The following PEAK1 variants were observed in gnomAD, a reference collection of about 807,000 sequenced individuals.
The protein encoded by PEAK1 is inactive tyrosine-protein kinase PEAK1.
A neutral mutation model predicts 124.7 loss-of-function variants in PEAK1; 54 were observed. That is an observed-to-expected ratio of 0.43 (90% CI 0.35 to 0.54). The LOEUF is 0.54. PEAK1 is among the 20% of genes least tolerant of loss of function. The pLI is 0.01. For synonymous variants in PEAK1, 719 were observed against 760.0 expected, an observed-to-expected ratio of 0.95 and a Z score of 0.89; for missense variants, 2,046 against 2,134.5, an observed-to-expected ratio of 0.96 and a Z score of 0.82.
intron 6 of PEAK1, among the ~76,000 whole-genome samples, chr15:77,203,484 A>G (rs2058471689): frequency 6.6e-6 from 1 of 152,198 alleles, no homozygotes; most frequent in Non-Finnish European, 1.5e-5. Flanking sequence ...AATTTTGATG[A>G]AGAGCAAAAT....
chr15:77,322,232 A>T (rs1430481822), intron 2 of PEAK1, among the ~76,000 whole-genome samples: 1 of 152,240 alleles, frequency 6.6e-6, no homozygotes, highest in Non-Finnish European at 1.5e-5. Flanking sequence ...GAGAAGCAAG[A>T]GCAAACACAT....
At chr15:77,204,976 GA>G in intron 6 of PEAK1, 2 of 193,056 alleles carry the variant, frequency 1.0e-5, no homozygotes. Flanking sequence ...GGAACAAAGG[GA>G]AAACAGGCCA....
chr15:77,336,236 C>T (rs2066190202), intron 2 of PEAK1: 2 of 985,240 alleles, frequency 2.0e-6, no homozygotes, highest in Non-Finnish European at 2.4e-6. Context: ...ATTCCAAGAA[C>T]CACAATGGGC....
chr15:77,195,797 G>A (rs1462709471), intron 6 of PEAK1, among the ~76,000 whole-genome samples: 1 of 152,166 alleles, frequency 6.6e-6, no homozygotes, highest in Non-Finnish European at 1.5e-5. Flanking sequence ...TTCAATGAAT[G>A]AGCATATTAA....
intron 9 of PEAK1, among the ~76,000 whole-genome samples, chr15:77,130,510 T>C (rs2052765557): frequency 6.6e-6 from 1 of 152,048 alleles, no homozygotes; most frequent in Non-Finnish European, 1.5e-5. Context: ...AGAGGGTAGC[T>C]AGCTGAAGGT....
chr15:77,189,469 A>G (rs2152831514), intron 6 of PEAK1, among the ~76,000 whole-genome samples: 1 of 152,120 alleles, frequency 6.6e-6, no homozygotes, highest in East Asian at 1.9e-4. Flanking sequence ...AGCACTGTCC[A>G]CCATAGTGGA....
Position 77,181,932 on chromosome 15 carries a change from A to G in PEAK1, c.-6T>C. The G allele has an allele frequency of 6.5e-7, 1 of 1,538,758 alleles. No homozygotes were observed. The highest frequency in any genetic ancestry group is 8.7e-7 in the Non-Finnish European group (1 of 1,145,424). On this transcript the variant is annotated 5_prime_UTR_variant, in exon 7 of 10. Transcript: ENST00000682557. ...AAGGTGTTACAAGCAGACATTTTTAAAAATAGAACTTCACAGACAATGCTT... is the reference window on the plus strand; with the variant it reads ...AAGGTGTTACAAGCAGACATTTTTAGAAATAGAACTTCACAGACAATGCTT...
intron 6 of PEAK1, among the ~76,000 whole-genome samples, chr15:77,245,781 T>C (rs2060555279): frequency 6.6e-6 from 1 of 152,168 alleles, no homozygotes; most frequent in Admixed American, 6.5e-5. Flanking sequence ...CAATTGAACA[T>C]ATGTGTGTAT....
chr15:77,241,079 T>G (rs1252880226), intron 6 of PEAK1, among the ~76,000 whole-genome samples: 1 of 152,160 alleles, frequency 6.6e-6, no homozygotes, highest in African/African-American at 2.4e-5. Flanking sequence ...ATATCTCTCA[T>G]AAACACAAAC....
chr15:77,257,752 T>C (rs1052056431), intron 5 of PEAK1, among the ~76,000 whole-genome samples: 30 of 152,110 alleles, frequency 2.0e-4, no homozygotes, highest in Admixed American at 3.9e-4. Flanking sequence ...TTTGTCAATT[T>C]TGGCTTTTGT....
intron 5 of PEAK1, among the ~76,000 whole-genome samples, chr15:77,277,291 C>T (rs1467394894): frequency 6.6e-6 from 1 of 151,978 alleles, no homozygotes; most frequent in African/African-American, 2.4e-5. Context: ...GAGATGGTTA[C>T]CAAGGGTGAG....
intron 5 of PEAK1, chr15:77,278,344 T>C (rs939944611): frequency 4.4e-6 from 1 of 226,696 alleles, no homozygotes; most frequent in Non-Finnish European, 8.8e-6. Flanking sequence ...AGAAGCTAGA[T>C]TCAAAAGAGT....
intron 1 of PEAK1, among the ~76,000 whole-genome samples, chr15:77,382,854 A>C (rs1483695991): frequency 6.6e-6 from 1 of 152,146 alleles, no homozygotes; most frequent in Non-Finnish European, 1.5e-5. Flanking sequence ...GGCTCAATGA[A>C]TCAATCTGAC....
rs2062793767 is a variant in PEAK1 at position 77,283,908 on chromosome 15, C to T, written c.-300G>A. 1.0e-6 allele frequency: 1 copy of T among 981,478 alleles called. No homozygotes were observed. Among genetic ancestry groups the T allele is most frequent in the Admixed American group, 6.2e-5 (1 of 16,260 alleles). The allele number at this position is 981,478 out of a possible 1,614,324, so 60.8% of individuals were successfully genotyped here. ...CTCTTTGTTACTGTTATTTATATAG[C>T]TGTAGTCATTACTACTTTCATATTA... On this transcript the variant is annotated 5_prime_UTR_variant, in exon 5 of 10. Coordinates refer to ENST00000682557, the MANE Select transcript of PEAK1 (RefSeq NM_001385026.1).
At chr15:77,125,075 A>C (rs796645756) in intron 9 of PEAK1, among the ~76,000 whole-genome samples, 37 of 152,276 alleles carry the variant, frequency 2.4e-4, no homozygotes, top group African/African-American at 8.4e-4. Context: ...ATTCATATGT[A>C]TTTCTGTAAA....
intron 1 of PEAK1, chr15:77,403,983 C>G: frequency 2.1e-6 from 2 of 966,034 alleles, no homozygotes; most frequent in Non-Finnish European, 2.5e-6. Context: ...GGGTTTGGTA[C>G]AGATTATTTT....
intron 1 of PEAK1, among the ~76,000 whole-genome samples, chr15:77,399,180 C>T (rs1028388743): frequency 3.3e-5 from 5 of 152,090 alleles, no homozygotes; most frequent in African/African-American, 9.7e-5. Flanking sequence ...AATGTCCACA[C>T]AACCTAAAGC....
At chr15:77,321,534 T>C (rs912308537) in intron 2 of PEAK1, among the ~76,000 whole-genome samples, 2 of 152,242 alleles carry the variant, frequency 1.3e-5, no homozygotes, top group African/African-American at 4.8e-5. Context: ...TTGTTTAAGT[T>C]CATTGTAGAT....
At chr15:77,348,456 T>C in intron 2 of PEAK1, 1 of 928,968 alleles carries the variant, frequency 1.1e-6, no homozygotes, top group Non-Finnish European at 1.3e-6. Context: ...AAATAATAAA[T>C]AATAGGTTGT....
Sources: allele counts gnomAD v4.1 joint callset (sites outside exome capture counted in the v4.1 genomes callset), GRCh38; gene constraint gnomAD v4.1.1; transcripts MANE v1.5; gene names NCBI Gene and HGNC (gene_info 2026-07-23, HGNC 2026-07-21).